The following ZZEF1 variants were observed in gnomAD, a reference collection of about 807,000 sequenced individuals.
The protein encoded by ZZEF1 is zinc finger ZZ-type and EF-hand domain-containing protein 1.
In ZZEF1, 157 loss-of-function variants were observed where a neutral mutation model predicts 342.8. That is an observed-to-expected ratio of 0.46 (90% CI 0.40 to 0.52). ZZEF1 has a LOEUF of 0.52. Among genes scored for constraint, ZZEF1 ranks in the 20% least tolerant of loss-of-function variants. ZZEF1 has a pLI of 0.00. For missense variants in ZZEF1, 3,480 were observed against 3,725.6 expected (o/e 0.93, Z 1.72); for synonymous variants, 1,505 against 1,429.1 (o/e 1.05, Z -1.20).
chr17:4,100,563 G>A (rs2058110022), intron 9 of ZZEF1, among the ~76,000 whole-genome samples: 1 of 152,192 alleles, frequency 6.6e-6, no homozygotes, highest in Non-Finnish European at 1.5e-5. Context: ...ATTACCAGGA[G>A]AAATGCCCGT....
chr17:4,007,099 C>G (rs2055819061), intron 54 of ZZEF1, 129 bp from the exon 55 acceptor site: 1 of 760,988 alleles, frequency 1.3e-6, no homozygotes, highest in African/African-American at 1.8e-5. Flanking sequence ...GTTCCCCTCC[C>G]CCACAGGCCT....
At chr17:4,087,647 A>G in intron 13 of ZZEF1, 113 bp from the exon 14 acceptor site, 1 of 874,610 alleles carries the variant, frequency 1.1e-6, no homozygotes, top group Non-Finnish European at 1.7e-6. Context: ...TACATGAGTG[A>G]GACTTTCATA....
At position 4,064,739 on chromosome 17, in the gene ZZEF1, G is replaced by A; in HGVS notation, c.4340C>T (p.Ala1447Val). ...SKESCEKLET[A>V]DETSHLQPLN... ...TGGCTGGAGATGACTGGTTTCATCAGCAGTCTCCAACTTTTCGCAGCTTTC... is the reference window on the plus strand; with the variant it reads ...TGGCTGGAGATGACTGGTTTCATCAACAGTCTCCAACTTTTCGCAGCTTTC... The change falls in exon 29 of 55, where the codon GCT (alanine) becomes GTT (valine). Residue 1447 changes from alanine to valine, a missense_variant. Around this residue, in one of 5 missense-constraint regions of ZZEF1, gnomAD observed 1,528 missense variants for 1,624.1 expected, o/e 0.94. Coordinates refer to ENST00000381638, the MANE Select transcript of ZZEF1 (RefSeq NM_015113.4). 6.2e-7 allele frequency: 1 copy of A among 1,613,990 alleles called. No homozygotes were observed. The highest frequency in any genetic ancestry group is 1.7e-5 in the Admixed American group (1 of 60,024).
In ZZEF1 at chr17:4,088,771, A is replaced by C. The variant is rs2058791450; in HGVS notation, c.2148T>G (p.Cys716Trp). 5 of 1,614,114 alleles carry C rather than the reference A, an allele frequency of 3.1e-6. No individual in the cohort carries two copies. In the South Asian group the frequency reaches 5.5e-5, roughly 18 times the overall value. Residue 716 changes from cysteine to tryptophan, a missense_variant, in exon 13 of 55, where the codon TGT becomes TGG. Physicochemically the swap from Cys to Trp is radical, Grantham distance 215 (BLOSUM62 -2). Coordinates refer to ENST00000381638, the MANE Select transcript of ZZEF1 (RefSeq NM_015113.4). ...CCTCTGTGTCCTTTCTGCAGTGTGC[A>C]CAGGTGACGCTCTGTTCTGCTTCTG... is the stretch of plus-strand genomic sequence containing the variant. ...ARAEAEQSVT[C>W]AHCRKDTEES... is the part of the protein sequence containing the mutation.
intron 42 of ZZEF1, 73 bp downstream of exon 42, chr17:4,032,053 T>A: frequency 6.7e-7 from 1 of 1,487,502 alleles, no homozygotes; most frequent in Non-Finnish European, 9.0e-7. Flanking sequence ...CAAGGTAATT[T>A]CATTGATTTT....
intron 38 of ZZEF1, 111 bp downstream of exon 38, chr17:4,044,113 G>A (rs778260557): frequency 2.1e-5 from 25 of 1,188,510 alleles, no homozygotes; most frequent in East Asian, 7.1e-5. Flanking sequence ...GAGAAACCAC[G>A]CACCCCTGGC....
rs2058025865 is a variant in ZZEF1 at position 4,095,939 on chromosome 17, A to T, written c.1805T>A (p.Phe602Tyr). Residue 602 changes from phenylalanine to tyrosine, a missense_variant, in exon 11 of 55, where the codon TTT (phenylalanine) becomes TAT (tyrosine). By Grantham distance (22) the Phe-to-Tyr change is conservative. Transcript: ENST00000381638. ...TTTATCTGAAGATGAGTTATAGGCA[A>T]ACACCAACCCACACTGGGCACCAAT... ...GGIGAQCGLVFAYNSSSDKFC... is the reference protein window; with the variant it reads ...GGIGAQCGLVYAYNSSSDKFC... 6.2e-7 allele frequency: 1 copy of T among 1,613,286 alleles called. No individual in the cohort carries two copies. The highest frequency in any genetic ancestry group is 1.1e-5 in the South Asian group (1 of 90,978).
intron 1 of ZZEF1, among the ~76,000 whole-genome samples, chr17:4,124,284 A>G (rs1377376503): frequency 6.6e-6 from 1 of 151,994 alleles, no homozygotes; most frequent in East Asian, 1.9e-4. Flanking sequence ...ATTCCAAGAG[A>G]GTAACCATTA....
chr17:4,109,149 C>G (rs1275517413), intron 6 of ZZEF1, among the ~76,000 whole-genome samples: 2 of 152,190 alleles, frequency 1.3e-5, no homozygotes, highest in Non-Finnish European at 2.9e-5. Flanking sequence ...AAAGAGCCCT[C>G]AACTGATCCA....
intron 15 of ZZEF1, 142 bp from the exon 16 acceptor site, chr17:4,085,945 G>T: frequency 9.7e-7 from 1 of 1,030,390 alleles, no homozygotes; most frequent in Non-Finnish European, 1.3e-6. Flanking sequence ...AGGCCAGGCA[G>T]TATAAAAAAA....
intron 1 of ZZEF1, among the ~76,000 whole-genome samples, chr17:4,132,635 A>G (rs1405183153): frequency 1.3e-5 from 2 of 150,872 alleles, no homozygotes; most frequent in Non-Finnish European, 3.0e-5. Flanking sequence ...GATCGAGACC[A>G]TCCTGGCTAA....
intron 26 of ZZEF1, 78 bp from the exon 27 acceptor site, chr17:4,067,320 A>C: frequency 8.4e-7 from 1 of 1,186,834 alleles, no homozygotes; most frequent in East Asian, 2.5e-5. Context: ...AAAAAATCTA[A>C]ATCTGCTGAA....
At chr17:4,036,620 T>G (rs2056669184) in intron 39 of ZZEF1, among the ~76,000 whole-genome samples, 1 of 151,240 alleles carries the variant, frequency 6.6e-6, no homozygotes, top group African/African-American at 2.4e-5. Context: ...TAATCCCAGC[T>G]ACTAGGAAGG....
Position 4,051,988 on chromosome 17 carries a change from C to T in ZZEF1, c.5583G>A (p.Ala1861=), listed in dbSNP as rs61747106. ...AGACATACCCGTAGGAGTATTTCTTCGCTGCATAGCATCCGTAGCAAAGAT... is the reference window on the plus strand; with the variant it reads ...AGACATACCCGTAGGAGTATTTCTTTGCTGCATAGCATCCGTAGCAAAGAT... ...DFDLCYGCYA[A]KKYSYGHLPT... is the part of the protein sequence containing the mutation. Residue 1861 remains alanine (A), a synonymous_variant, in exon 35 of 55, where the codon GCG becomes GCA. Coordinates refer to ENST00000381638, the MANE Select transcript of ZZEF1 (RefSeq NM_015113.4). 9,907 of 1,613,846 alleles carry T rather than the reference C, an allele frequency of 6.1e-3. 520 individuals carry two copies. The African/African-American group carries it at 0.11, about 18-fold the overall frequency.
intron 36 of ZZEF1, 98 bp downstream of exon 36, chr17:4,050,683 T>C: frequency 6.4e-7 from 1 of 1,553,644 alleles, no homozygotes; most frequent in Non-Finnish European, 8.7e-7. Flanking sequence ...AAGTGGATGT[T>C]GCCACCTGTA....
At chr17:4,081,670 T>C (rs1382628013) in intron 17 of ZZEF1, among the ~76,000 whole-genome samples, 180 bp from the exon 18 acceptor site, 4 of 152,226 alleles carry the variant, frequency 2.6e-5, no homozygotes, top group African/African-American at 9.6e-5. Context: ...TCTGTCCACA[T>C]GTGCTTCCAT....
rs2056130707 is a variant in ZZEF1 at position 4,017,259 on chromosome 17, G to A, written c.8001+112C>T. On this transcript the variant is annotated intron_variant, in intron 48 of 54. Transcript: ENST00000381638. The surrounding 1 kb of genome is among the most constrained non-coding windows in gnomAD (Gnocchi z 5.1). ...CCTTTGCTGCATTCACACCTGTCAG[G>A]GAGCTGCACAGCCACACAGGTAGCC... is the stretch of plus-strand genomic sequence containing the variant. 1 of 1,436,864 alleles carries A rather than the reference G, an allele frequency of 7.0e-7. No homozygotes were observed. Among genetic ancestry groups the A allele is most frequent in the African/African-American group, 1.4e-5 (1 of 70,716 alleles). The allele number at this position is 1,436,864 out of a possible 1,614,324, so 89.0% of individuals were successfully genotyped here. A position where few individuals can be genotyped will look rare whatever the true frequency, so the allele number is the denominator to read the frequency against.
Position 4,049,790 on chromosome 17 carries a change from G to C in ZZEF1, c.5933C>G (p.Pro1978Arg). Reference sequence around the variant, plus strand: ...TGACGCTCCGGTGGGCACAGTGACTGGTAGGGCCTGATCTTCTAGGCTCGA... The same window carrying C: ...TGACGCTCCGGTGGGCACAGTGACTCGTAGGGCCTGATCTTCTAGGCTCGA... ...GDSSLEDQALPVTVPTGASEE... is the reference protein window; with the variant it reads ...GDSSLEDQALRVTVPTGASEE... The change falls in exon 37 of 55, where the codon CCA (proline) becomes CGA (arginine). Residue 1978 changes from proline (P) to arginine (R), a missense_variant. Pro to Arg is a moderately radical substitution (Grantham distance 103). Coordinates refer to ENST00000381638, the MANE Select transcript of ZZEF1 (RefSeq NM_015113.4). The C allele has an allele frequency of 6.2e-7, 1 of 1,614,104 alleles. No homozygotes were observed.
chr17:4,133,998 C>G (rs1801783811), intron 1 of ZZEF1, among the ~76,000 whole-genome samples: 1 of 152,080 alleles, frequency 6.6e-6, no homozygotes, highest in African/African-American at 2.4e-5. Flanking sequence ...AGCCACTGTG[C>G]CAGGCCATTT....
Sources: allele counts gnomAD v4.1 joint callset (sites outside exome capture counted in the v4.1 genomes callset), GRCh38; gene constraint gnomAD v4.1.1; regional missense constraint gnomAD v4.1.1; non-coding constraint Gnocchi (gnomAD v3.1); transcripts MANE v1.5; gene names NCBI Gene and HGNC (gene_info 2026-07-23, HGNC 2026-07-21).